RASGRP3: variants seen among roughly 807,000 people sequenced by gnomAD.
RASGRP3 encodes the protein RAS guanyl releasing protein 3.
A neutral mutation model predicts 82.7 loss-of-function variants in RASGRP3; 54 were observed. The observed-to-expected ratio is 0.65, with a 90% CI of 0.52 to 0.82. The LOEUF is 0.82. Among genes scored for constraint, RASGRP3 ranks in the 40% least tolerant of loss-of-function variants. The probability of loss-of-function intolerance (pLI) is 0.00; values close to 1 mark genes in which losing one functional copy is unlikely to be tolerated. For missense variants in RASGRP3, 861 were observed against 828.9 expected (o/e 1.04, Z -0.48); for synonymous variants, 309 against 300.5 (o/e 1.03, Z -0.29).
chr2:33,480,042 ATTT>A (rs397868583), intron 1 of RASGRP3, among the ~76,000 whole-genome samples: 16,918 of 131,638 alleles, frequency 0.13, 980 homozygotes, highest in African/African-American at 0.18. Context: ...TGAAAGAGGA[ATTT>A]TTTTTTTTTT....
At chr2:33,504,650 C>T (rs1318154382) in intron 1 of RASGRP3, among the ~76,000 whole-genome samples, 1 of 152,198 alleles carries the variant, frequency 6.6e-6, no homozygotes, top group Admixed American at 6.5e-5. Flanking sequence ...AGCTTCCACT[C>T]CCAGCCTAGA....
At chr2:33,439,372 A>T (rs1173877326) in intron 1 of RASGRP3, among the ~76,000 whole-genome samples, 1 of 151,964 alleles carries the variant, frequency 6.6e-6, no homozygotes, top group African/African-American at 2.4e-5. Flanking sequence ...AAGCGGGAGG[A>T]GAGCTGATGG....
At chr2:33,491,987 C>T (rs548958088) in intron 1 of RASGRP3, among the ~76,000 whole-genome samples, 16 of 152,332 alleles carry the variant, frequency 1.1e-4, no homozygotes, top group Middle Eastern at 3.4e-3. Context: ...TAGACCTGGA[C>T]AGGATCATAG....
chr2:33,563,806 C>T lies in RASGRP3; in HGVS notation c.*1069C>T, dbSNP rs982430773. The T allele has an allele frequency of 1.3e-5, 2 of 152,140 alleles. No individual in the cohort carries two copies. Among genetic ancestry groups the T allele is most frequent in the African/African-American group, 4.8e-5 (2 of 41,430 alleles). The allele number at this position is 152,140 out of a possible 1,614,324, so 9.4% of individuals were successfully genotyped here. A position where few individuals can be genotyped will look rare whatever the true frequency, so the allele number is the denominator to read the frequency against. ...ATAATCATAAATCATATTTGATTAA[C>T]ATTTCATTTAAGCTTTTAAAATATC... On this transcript the variant is annotated 3_prime_UTR_variant, in exon 18 of 18. Coordinates refer to ENST00000403687, the MANE Select transcript of RASGRP3 (RefSeq NM_001139488.2).
At chr2:33,547,342 C>CTTGTTTTTTTT (rs1674884734) in intron 13 of RASGRP3, among the ~76,000 whole-genome samples, 1 of 68,178 alleles carries the variant, frequency 1.5e-5, no homozygotes, top group African/African-American at 5.8e-5. Flanking sequence ...ATATAGAATC[C>CTTGTTTTTTTT]TTTTTTTTTT....
At chr2:33,436,763 T>C (rs2150867113) in intron 1 of RASGRP3, among the ~76,000 whole-genome samples, 2 of 152,340 alleles carry the variant, frequency 1.3e-5, no homozygotes, top group South Asian at 4.1e-4. Flanking sequence ...TTATGACATC[T>C]TCAGGTTTTT....
chr2:33,461,275 C>CTATTT (rs371350035), intron 2 of RASGRP3, among the ~76,000 whole-genome samples: 105 of 152,234 alleles, frequency 6.9e-4, no homozygotes, highest in African/African-American at 2.2e-3. Context: ...TTCTCTACCA[C>CTATTT]TATTTTATTT....
chr2:33,550,868 C>A (rs896133830), intron 14 of RASGRP3, among the ~76,000 whole-genome samples: 1 of 152,158 alleles, frequency 6.6e-6, no homozygotes, highest in Non-Finnish European at 1.5e-5. Context: ...AAGAGGCAGC[C>A]GTTTCCTCAA....
rs1478377291 is a variant in RASGRP3 at position 33,527,251 on chromosome 2, G to T, written c.922G>T (p.Asp308Tyr). 6.2e-7 allele frequency: 1 copy of T among 1,614,036 alleles called. No individual in the cohort carries two copies. Among genetic ancestry groups the T allele is most frequent in the Admixed American group, 1.7e-5 (1 of 60,028 alleles). The change falls in exon 10 of 18, where the codon GAC (aspartate) becomes TAC (tyrosine). Residue 308 changes from aspartate to tyrosine, a missense_variant. By Grantham distance (160) the Asp-to-Tyr change is radical (BLOSUM62 -3). Coordinates refer to ENST00000403687, the MANE Select transcript of RASGRP3 (RefSeq NM_001139488.2). ...KIPILGVHLK[D>Y]LIAVHVIFPD... ...CCCCATCCTTGGAGTACACTTGAAA[G>T]ACTTGATAGCTGTCCATGTCATTTT... is the stretch of plus-strand genomic sequence containing the variant.
At chr2:33,534,496 G>A (rs74326828) in intron 11 of RASGRP3, 96 bp downstream of exon 11, 107,782 of 819,974 alleles carry the variant, frequency 0.13, 8,458 homozygotes, top group Admixed American at 0.18. Flanking sequence ...GTTCTAAAAC[G>A]GAAGAATTTT....
At chr2:33,550,157 A>C (rs1192194227) in intron 14 of RASGRP3, among the ~76,000 whole-genome samples, 1 of 152,224 alleles carries the variant, frequency 6.6e-6, no homozygotes, top group Admixed American at 6.5e-5. Context: ...GCATGGTTCA[A>C]TAATTCACAA....
At chr2:33,481,952 C>T (rs2150939513) in intron 1 of RASGRP3, 1 of 152,146 alleles carries the variant, frequency 6.6e-6, no homozygotes, top group East Asian at 1.9e-4. Context: ...GATCCACCCA[C>T]CTTGGCTTCC....
At chr2:33,462,744 T>G (rs1010872163) in intron 2 of RASGRP3, among the ~76,000 whole-genome samples, 1 of 152,238 alleles carries the variant, frequency 6.6e-6, no homozygotes, top group African/African-American at 2.4e-5. Context: ...CCCCACCTCA[T>G]GCATTAAGCT....
At chr2:33,500,692 T>C (rs1321572467) in intron 1 of RASGRP3, among the ~76,000 whole-genome samples, 5 of 152,092 alleles carry the variant, frequency 3.3e-5, no homozygotes, top group African/African-American at 4.8e-5. Flanking sequence ...TCCCAGCACT[T>C]TGGGAGGCCG....
intron 1 of RASGRP3, among the ~76,000 whole-genome samples, chr2:33,505,482 A>G (rs1029490735): frequency 2.6e-5 from 4 of 151,884 alleles, no homozygotes; most frequent in Non-Finnish European, 2.9e-5. Flanking sequence ...TTGTATTTTT[A>G]GTAGAGACGG....
intron 16 of RASGRP3, 76 bp from the exon 17 acceptor site, chr2:33,558,596 G>A (rs1360646632): frequency 1.5e-6 from 2 of 1,315,848 alleles, no homozygotes; most frequent in East Asian, 4.7e-5. Context: ...CCAGACTCGT[G>A]CTGTTTGCAC....
intron 1 of RASGRP3, among the ~76,000 whole-genome samples, chr2:33,492,243 C>G (rs937707639): frequency 6.6e-6 from 1 of 152,138 alleles, no homozygotes; most frequent in African/African-American, 2.4e-5. Flanking sequence ...TTCCCTTTGT[C>G]TTCTTCAGAA....
chr2:33,485,883 A>G (rs1383592424), intron 1 of RASGRP3, among the ~76,000 whole-genome samples: 1 of 152,264 alleles, frequency 6.6e-6, no homozygotes, highest in African/African-American at 2.4e-5. Context: ...AGCTACAAAG[A>G]TGGCTGAGAC....
intron 1 of RASGRP3, among the ~76,000 whole-genome samples, chr2:33,441,468 G>A (rs528460698): frequency 3.9e-5 from 6 of 152,234 alleles, no homozygotes; most frequent in Non-Finnish European, 8.8e-5. Context: ...AGAGACAGCA[G>A]AGCCAGGCAC....
Sources: allele counts gnomAD v4.1 joint callset (sites outside exome capture counted in the v4.1 genomes callset), GRCh38; gene constraint gnomAD v4.1.1; transcripts MANE v1.5; gene names NCBI Gene and HGNC (gene_info 2026-07-23, HGNC 2026-07-21).